The following ARV1 variants were observed in gnomAD, a reference collection of about 807,000 sequenced individuals.
ARV1 encodes the protein protein ARV1.
A neutral mutation model predicts 31.1 loss-of-function variants in ARV1; 26 were observed. The ratio of observed to expected loss-of-function variants is 0.84; its 90% CI spans 0.61 to 1.16. ARV1 has a LOEUF of 1.16. ARV1 is among the 50% of genes most tolerant of loss of function. ARV1 has a pLI of 0.00. For synonymous variants in ARV1, 117 were observed against 123.2 expected (o/e 0.95, Z 0.34); for missense variants, 281 against 324.9 (o/e 0.86, Z 1.04).
At chr1:230,999,340 A>G (rs968298846) in intron 5 of ARV1, among the ~76,000 whole-genome samples, 5 of 152,126 alleles carry the variant, frequency 3.3e-5, no homozygotes, top group African/African-American at 1.2e-4. Flanking sequence ...TCTCCTGCCT[A>G]AAGGTTCTAA....
intron 1 of ARV1, 99 bp downstream of exon 1, chr1:230,979,378 T>C: frequency 7.4e-7 from 1 of 1,347,432 alleles, no homozygotes; most frequent in Non-Finnish European, 1.0e-6. Flanking sequence ...TTTAGTTCGG[T>C]AGTTGACATT....
intron 1 of ARV1, 81 bp from the exon 2 acceptor site, chr1:230,988,239 T>C (rs1679135199): frequency 7.7e-7 from 1 of 1,291,952 alleles, no homozygotes; most frequent in African/African-American, 1.5e-5. Flanking sequence ...GTGTCCAAAA[T>C]AGACTCTGCT....
At chr1:230,982,752 AAAATT>A (rs1262094775) in intron 1 of ARV1, among the ~76,000 whole-genome samples, 3 of 152,232 alleles carry the variant, frequency 2.0e-5, no homozygotes, top group African/African-American at 7.2e-5. Context: ...GCCAGACTAA[AAAATT>A]AAACCATGAA....
chr1:230,998,303 T>C (rs1028166153), intron 5 of ARV1, among the ~76,000 whole-genome samples: 2 of 152,140 alleles, frequency 1.3e-5, no homozygotes, highest in African/African-American at 4.8e-5. Flanking sequence ...CTTTGGTCTC[T>C]CCCTCCTCGC....
chr1:230,985,412 A>G lies in ARV1; in HGVS notation c.175-2908A>G, dbSNP rs779386958. ...TCTAAACTGTTAGATCCTTGAGGAT[A>G]GAAACTGTGGCTGAAGGTGAATATC... On this transcript the variant is annotated intron_variant, in intron 1 of 5. Transcript: ENST00000310256. Among the ~76,000 whole-genome samples, 208 of 152,370 alleles carry G rather than the reference A, an allele frequency of 1.4e-3. 3 individuals carry two copies. Among genetic ancestry groups the G allele is most frequent in the East Asian group, 7.7e-4 (4 of 5,188 alleles).
At position 231,000,296 on chromosome 1, in the gene ARV1, C is replaced by A. The variant is rs1386287779; in HGVS notation, c.*163C>A. 1 of 152,172 alleles carries A rather than the reference C, an allele frequency of 6.6e-6. No individual in the cohort carries two copies. The highest frequency in any genetic ancestry group is 2.4e-5 in the African/African-American group (1 of 41,430). The allele number at this position is 152,172 out of a possible 1,614,324, so 9.4% of individuals were successfully genotyped here. A position where few individuals can be genotyped will look rare whatever the true frequency, so the allele number is the denominator to read the frequency against. On this transcript the variant is annotated 3_prime_UTR_variant, in exon 6 of 6. Transcript: ENST00000310256. ...CAATGATAATAGCGGTGGATACCCA[C>A]CCCCACAAATGCACCCAAGAGACAA...
intron 1 of ARV1, among the ~76,000 whole-genome samples, chr1:230,987,566 G>T (rs1320628000): frequency 6.6e-6 from 1 of 152,134 alleles, no homozygotes. Flanking sequence ...CCTTCAGGGG[G>T]GAATAAAGCC....
intron 1 of ARV1, among the ~76,000 whole-genome samples, chr1:230,982,269 AAACTT>A (rs978836869): frequency 2.9e-4 from 44 of 152,388 alleles, no homozygotes; most frequent in Admixed American, 1.2e-3. Context: ...TATGTGGTCT[AAACTT>A]AATAACTTTT....
chr1:230,995,758 A>G lies in ARV1; in HGVS notation c.449-2A>G, dbSNP rs748591977. 6.2e-7 allele frequency: 1 copy of G among 1,608,076 alleles called. No individual in the cohort carries two copies. Among genetic ancestry groups the G allele is most frequent in the Non-Finnish European group, 8.5e-7 (1 of 1,176,174 alleles). ...TACTTTTATTTTCCATTTCTTCTTT[A>G]GAACAAACTGCCTATTTTATTGGCA... On this transcript the variant is annotated splice_acceptor_variant, in intron 3 of 5. Coordinates refer to ENST00000310256, the MANE Select transcript of ARV1 (RefSeq NM_022786.3). LOFTEE classifies it high-confidence loss of function.
At chr1:230,996,028 A>G (rs1679355968) in intron 4 of ARV1, 44 bp downstream of exon 4, 1 of 1,534,104 alleles carries the variant, frequency 6.5e-7, no homozygotes, top group Non-Finnish European at 8.9e-7. Flanking sequence ...TTCAACCCAT[A>G]AAAAGCTTAA....
At chr1:230,995,640 G>A (rs1380820609) in intron 3 of ARV1, 120 bp from the exon 4 acceptor site, 8 of 714,570 alleles carry the variant, frequency 1.1e-5, no homozygotes, top group African/African-American at 1.8e-5. Context: ...GTGATCTTGA[G>A]AAAGTATTTC....
In ARV1 at chr1:230,979,193, T is replaced by G. The variant is rs753467769; in HGVS notation, c.88T>G (p.Cys30Gly). The G allele has an allele frequency of 2.5e-6, 4 of 1,613,612 alleles. No individual in the cohort carries two copies. The highest frequency in any genetic ancestry group is 1.3e-5 in the African/African-American group (1 of 75,020). Reference sequence around the variant, plus strand: ...GACTCCTACTGCTGCCTCGGCCTCCTGCCAGTACAGGTGCATCGAATGCAA... The same window carrying G: ...GACTCCTACTGCTGCCTCGGCCTCCGGCCAGTACAGGTGCATCGAATGCAA... ...AATPTAASAS[C>G]QYRCIECNQE... Residue 30 changes from cysteine to glycine, a missense_variant, in exon 1 of 6, where the codon TGC becomes GGC. Physicochemically the swap from Cys to Gly is radical, Grantham distance 159. Transcript: ENST00000310256.
At chr1:230,998,557 T>A (rs1209133832) in intron 5 of ARV1, among the ~76,000 whole-genome samples, 1 of 152,142 alleles carries the variant, frequency 6.6e-6, no homozygotes, top group Non-Finnish European at 1.5e-5. Flanking sequence ...TTCACTGCCT[T>A]TCCTCTTTGT....
Position 230,991,012 on chromosome 1 carries a change from T to C in ARV1, c.448+749T>C, listed in dbSNP as rs149410531. ...TACTAATGCAGTGTATTTAATAGGG[T>C]TTGGTATTTTTTGTTACTTGTTACT... On this transcript the variant is annotated intron_variant, in intron 3 of 5. Coordinates refer to ENST00000310256, the MANE Select transcript of ARV1 (RefSeq NM_022786.3). Among the ~76,000 whole-genome samples the C allele has an allele frequency of 4.7e-3, 719 of 152,244 alleles. 7 individuals carry two copies. Among genetic ancestry groups the C allele is most frequent in the African/African-American group, 0.016 (674 of 41,538 alleles).
intron 1 of ARV1, 141 bp downstream of exon 1, chr1:230,979,420 C>T (rs891140729): frequency 4.1e-6 from 4 of 968,054 alleles, no homozygotes; most frequent in Non-Finnish European, 6.1e-6. Flanking sequence ...AATATCTGTA[C>T]TGATAGAGAA....
At chr1:230,983,718 A>G (rs1329159428) in intron 1 of ARV1, among the ~76,000 whole-genome samples, 6 of 152,202 alleles carry the variant, frequency 3.9e-5, no homozygotes, top group Non-Finnish European at 1.5e-5. Context: ...TGGCCGATTT[A>G]TATTCTAAAA....
intron 1 of ARV1, among the ~76,000 whole-genome samples, chr1:230,986,878 A>T (rs1010178979): frequency 5.3e-5 from 8 of 151,604 alleles, no homozygotes; most frequent in African/African-American, 1.9e-4. Context: ...CTGTGGCCTT[A>T]ATTTTTGCAG....
intron 1 of ARV1, among the ~76,000 whole-genome samples, chr1:230,985,593 C>T (rs1281722703): frequency 6.6e-6 from 1 of 152,226 alleles, no homozygotes; most frequent in Non-Finnish European, 1.5e-5. Context: ...CTACCTCCTT[C>T]CAAGTATTGT....
At chr1:230,997,042 C>A in intron 4 of ARV1, 79 bp from the exon 5 acceptor site, 1 of 1,519,248 alleles carries the variant, frequency 6.6e-7, no homozygotes, top group Non-Finnish European at 9.0e-7. Context: ...CTTTACAAAA[C>A]AATTCATACT....
Sources: allele counts gnomAD v4.1 joint callset (sites outside exome capture counted in the v4.1 genomes callset), GRCh38; gene constraint gnomAD v4.1.1; transcripts MANE v1.5; gene names NCBI Gene and HGNC (gene_info 2026-07-23, HGNC 2026-07-21).